ATP2B2: variants seen among roughly 807,000 people sequenced by gnomAD.
ATP2B2 encodes plasma membrane calcium-transporting ATPase 2.
ATP2B2 carries 15 observed loss-of-function variants against 120.0 expected under a neutral mutation model. The observed-to-expected ratio is 0.12, with a 90% confidence interval of 0.08 to 0.19. The LOEUF (loss-of-function observed/expected upper bound fraction) is 0.19, where lower values mean the gene tolerates loss of function less well. ATP2B2 is among the 10% of genes least tolerant of loss of function. The pLI is 1.00. For missense variants in ATP2B2, 1,045 were observed against 1,719.8 expected, an observed-to-expected ratio of 0.61 and a Z score of 6.94; for synonymous variants, 694 against 700.3, an observed-to-expected ratio of 0.99 and a Z score of 0.14.
chr3:10,569,955 A>C (rs1156760840), intron 2 of ATP2B2, among the ~76,000 whole-genome samples: 1 of 152,216 alleles, frequency 6.6e-6, no homozygotes, highest in Non-Finnish European at 1.5e-5. Context: ...AAAATTGGGA[A>C]GCTAAACTGG....
At chr3:10,648,430 T>C (rs192811045) in intron 1 of ATP2B2, among the ~76,000 whole-genome samples, 1 of 152,346 alleles carries the variant, frequency 6.6e-6, no homozygotes, top group Admixed American at 6.5e-5. Context: ...CCCTGAGGCT[T>C]GGGCCTAGGC....
intron 2 of ATP2B2, among the ~76,000 whole-genome samples, chr3:10,615,670 A>G (rs1217025866): frequency 6.6e-6 from 1 of 152,136 alleles, no homozygotes; most frequent in Non-Finnish European, 1.5e-5. Flanking sequence ...TCCACATCCA[A>G]CTTGCTCATC....
intron 2 of ATP2B2, among the ~76,000 whole-genome samples, chr3:10,549,664 T>G (rs187506124): frequency 1.6e-3 from 245 of 152,026 alleles, no homozygotes; most frequent in Admixed American, 3.5e-3. Context: ...CTTCCCTACC[T>G]CCCTCTCTCC....
At chr3:10,505,401 G>A (rs1461528350) in intron 1 of ATP2B2, 64 bp downstream of exon 1, 1 of 152,142 alleles carries the variant, frequency 6.6e-6, no homozygotes, top group Non-Finnish European at 1.5e-5. Flanking sequence ...AGGGAGGAAG[G>A]GGAGAGTGGA....
chr3:10,376,229 A>G lies in ATP2B2; in HGVS notation c.1202-585T>C, dbSNP rs527307248. ...ACAAAAAAACGAATACATGAACAAGACAGTTTCAGATATGGTGACACATTG... is the reference window on the plus strand; with the variant it reads ...ACAAAAAAACGAATACATGAACAAGGCAGTTTCAGATATGGTGACACATTG... On this transcript the variant is annotated intron_variant, in intron 10 of 22. Transcript: ENST00000360273. Among the ~76,000 whole-genome samples the G allele has an allele frequency of 3.9e-5, 6 of 152,242 alleles. No individual in the cohort carries two copies. The East Asian group carries it at 1.2e-3, about 29-fold the overall frequency.
chr3:10,565,380 C>T (rs375024010), intron 2 of ATP2B2, among the ~76,000 whole-genome samples: 2 of 152,142 alleles, frequency 1.3e-5, no homozygotes, highest in African/African-American at 4.8e-5. Context: ...TGCTGTTCCC[C>T]ATCTCTCGCG....
intron 14 of ATP2B2, among the ~76,000 whole-genome samples, chr3:10,355,662 T>C (rs1421848463): frequency 9.2e-5 from 14 of 152,222 alleles, no homozygotes; most frequent in Non-Finnish European, 1.9e-4. Context: ...AGCTAACTTC[T>C]CTGGATGACC....
intron 2 of ATP2B2, chr3:10,566,479 A>G (rs890450564): frequency 2.6e-5 from 4 of 152,268 alleles, no homozygotes; most frequent in African/African-American, 9.6e-5. Flanking sequence ...CAACTGTAAT[A>G]AAGAAGAGAA....
intron 1 of ATP2B2, among the ~76,000 whole-genome samples, chr3:10,672,662 TC>T (rs1037848296): frequency 2.0e-5 from 3 of 152,258 alleles, no homozygotes; most frequent in African/African-American, 7.2e-5. Flanking sequence ...CGAGCAGTAA[TC>T]CAACCAGGGT....
intron 22 of ATP2B2, among the ~76,000 whole-genome samples, chr3:10,334,712 C>T (rs918364554): frequency 2.0e-5 from 3 of 152,176 alleles, no homozygotes; most frequent in Non-Finnish European, 4.4e-5. Context: ...CGCTATGGGT[C>T]GTGGACATTT....
chr3:10,372,667 A>G (rs1436311930), intron 11 of ATP2B2, among the ~76,000 whole-genome samples: 1 of 152,232 alleles, frequency 6.6e-6, no homozygotes, highest in Non-Finnish European at 1.5e-5. Context: ...CACAAAAGGG[A>G]AAAAGAAAAC....
intron 2 of ATP2B2, among the ~76,000 whole-genome samples, chr3:10,536,333 T>TC (rs200061080): frequency 6.6e-4 from 62 of 93,692 alleles, no homozygotes; most frequent in African/African-American, 2.9e-3. Context: ...GTCACAGGAT[T>TC]TTTTTTTTTT....
chr3:10,491,203 A>G (rs1012557596), intron 1 of ATP2B2, among the ~76,000 whole-genome samples: 6 of 149,138 alleles, frequency 4.0e-5, no homozygotes, highest in African/African-American at 1.5e-4. Flanking sequence ...GGCACTGCAC[A>G]TGTGCTGGCT....
intron 12 of ATP2B2, among the ~76,000 whole-genome samples, chr3:10,371,086 C>T (rs2061227193): frequency 6.6e-6 from 1 of 152,226 alleles, no homozygotes; most frequent in Non-Finnish European, 1.5e-5. Context: ...GTCCTTACAG[C>T]ACCTCTCATC....
chr3:10,417,825 T>C (rs552418312), intron 2 of ATP2B2, among the ~76,000 whole-genome samples: 1 of 152,234 alleles, frequency 6.6e-6, no homozygotes, highest in South Asian at 2.1e-4. Flanking sequence ...GGAGAAGGGC[T>C]GTGAAAAGGC....
intron 12 of ATP2B2, among the ~76,000 whole-genome samples, chr3:10,365,478 A>AGGGCAGGAGGTGGGTGC (rs2061016959): frequency 6.6e-6 from 1 of 151,930 alleles, no homozygotes; most frequent in African/African-American, 2.4e-5. Context: ...AGAGTGGGGG[A>AGGGCAGGAGGTGGGTGC]GGGCAGGAGG....
intron 1 of ATP2B2, among the ~76,000 whole-genome samples, chr3:10,504,242 A>G (rs777803410): frequency 6.6e-6 from 1 of 151,610 alleles, no homozygotes; most frequent in Non-Finnish European, 1.5e-5. Flanking sequence ...TAACAGGCGG[A>G]GGCCCCCAAG....
intron 2 of ATP2B2, among the ~76,000 whole-genome samples, chr3:10,596,167 C>T (rs1279784232): frequency 2.6e-5 from 4 of 152,174 alleles, no homozygotes; most frequent in African/African-American, 9.7e-5. Flanking sequence ...CAGACGCCTG[C>T]CAGCACCTTA....
chr3:10,514,095 T>C (rs925234515), intron 3 of ATP2B2, among the ~76,000 whole-genome samples: 11 of 152,194 alleles, frequency 7.2e-5, no homozygotes, highest in African/African-American at 2.4e-4. Context: ...ACCCTAATTT[T>C]ACAGGTGGTG....
Sources: gnomAD v4.1 joint callset for allele counts (sites outside exome capture counted in the v4.1 genomes callset) on GRCh38, gnomAD v4.1.1 for gene constraint, MANE v1.5 for transcripts, NCBI Gene and HGNC (gene_info 2026-07-23, HGNC 2026-07-21) for gene names.